AMACR: variants seen among roughly 807,000 people sequenced by gnomAD.
AMACR encodes the protein 2-methylacyl-CoA racemase.
A neutral mutation model predicts 22.2 loss-of-function variants in AMACR; 18 were observed. That is an observed-to-expected ratio of 0.81 (90% CI 0.56 to 1.20). The LOEUF (loss-of-function observed/expected upper bound fraction) is 1.20, where lower values mean the gene tolerates loss of function less well. Among genes scored for constraint, AMACR ranks in the 50% most tolerant of loss-of-function variants. AMACR has a pLI of 0.00. For synonymous variants in AMACR, 213 were observed against 191.3 expected (o/e 1.11, Z -0.94); for missense variants, 499 against 490.6 (o/e 1.02, Z -0.16).
At chr5:33,997,690 G>C in intron 4 of AMACR, 1 of 644,630 alleles carries the variant, frequency 1.6e-6, no homozygotes, top group South Asian at 1.9e-5. Flanking sequence ...TGGACAGAGA[G>C]GTACCCTTTA....
chr5:34,004,692 G>A lies in AMACR; in HGVS notation c.434C>T (p.Ala145Val), dbSNP rs113840552. ...KIGRSGENPY[A>V]PLNLLADFAG... ...AAAGTCAGCCAGGAGATTCAGCGGG[G>A]CATACGGATTCTCACCACTTCTGCC... The change falls in exon 3 of 5, where the codon GCC (alanine) becomes GTC (valine). Residue 145 changes from alanine (A) to valine (V), a missense_variant. Transcript: ENST00000335606. 6.2e-7 allele frequency: 1 copy of A among 1,614,148 alleles called. No homozygotes were observed. The highest frequency in any genetic ancestry group is 8.5e-7 in the Non-Finnish European group (1 of 1,180,026).
chr5:34,005,219 G>A (rs1218937122), intron 2 of AMACR, among the ~76,000 whole-genome samples: 1 of 152,154 alleles, frequency 6.6e-6, no homozygotes. Flanking sequence ...AACAACACAT[G>A]GTTCTTAGAA....
At chr5:33,998,097 T>A (rs1753697666) in intron 4 of AMACR, among the ~76,000 whole-genome samples, 1 of 152,220 alleles carries the variant, frequency 6.6e-6, no homozygotes, top group Admixed American at 6.5e-5. Context: ...GAAGAAGAGA[T>A]CCCAAATTTT....
At position 33,988,241 on chromosome 5, in the gene AMACR, A is replaced by G; in HGVS notation, c.*852T>C. On this transcript the variant is annotated 3_prime_UTR_variant, in exon 5 of 5. Coordinates refer to ENST00000335606, the MANE Select transcript of AMACR (RefSeq NM_014324.6). ...GTCTTCTTTGTCAAAGACAGGTATAAGAAAGGCTTGTAACTTAACTCAGTC... is the reference window on the plus strand; with the variant it reads ...GTCTTCTTTGTCAAAGACAGGTATAGGAAAGGCTTGTAACTTAACTCAGTC... 1 of 1,377,640 alleles carries G rather than the reference A, an allele frequency of 7.3e-7. No homozygotes were observed. 85.3% of individuals were successfully genotyped at this position (1,377,640 alleles called of 1,614,324 possible). A position where few individuals can be genotyped will look rare whatever the true frequency, so the allele number is the denominator to read the frequency against.
intron 3 of AMACR, among the ~76,000 whole-genome samples, chr5:34,001,153 G>A (rs367882958): frequency 6.6e-6 from 1 of 152,202 alleles, no homozygotes; most frequent in African/African-American, 2.4e-5. Context: ...AGAGCCCCCT[G>A]ACACAGGGAA....
chr5:33,996,948 C>T, intron 4 of AMACR: 1 of 538,320 alleles, frequency 1.9e-6, no homozygotes, highest in Non-Finnish European at 3.3e-6. Flanking sequence ...ACTGAGGGAT[C>T]CTGAGGAGTC....
At chr5:34,006,257 A>G (rs1320808743) in intron 1 of AMACR, among the ~76,000 whole-genome samples, 2 of 152,172 alleles carry the variant, frequency 1.3e-5, no homozygotes, top group African/African-American at 2.4e-5. Context: ...TTGCTTGTAC[A>G]TGCATACACT....
At chr5:34,005,572 G>C (rs889779382) in intron 2 of AMACR, among the ~76,000 whole-genome samples, 184 bp downstream of exon 2, 3 of 152,106 alleles carry the variant, frequency 2.0e-5, no homozygotes, top group Non-Finnish European at 4.4e-5. Flanking sequence ...TAAGGGATGG[G>C]GTGAGGGAAG....
At position 33,986,502 on chromosome 5, in the gene AMACR, G is replaced by A. The variant is rs1181498159; in HGVS notation, c.*2591C>T. ...ATAAACATTTGCTAAAGGAATTACT[G>A]AGTGAATAAACCATACACACTGCAT... On this transcript the variant is annotated 3_prime_UTR_variant, in exon 5 of 5. Transcript: ENST00000335606. 1.3e-5 allele frequency: 2 copies of A among 152,194 alleles called. No homozygotes were observed. The highest frequency in any genetic ancestry group is 1.9e-4 in the East Asian group (1 of 5,202). 9.4% of individuals were successfully genotyped at this position (152,194 alleles called of 1,614,324 possible).
intron 3 of AMACR, among the ~76,000 whole-genome samples, chr5:34,002,324 A>G (rs1187726752): frequency 6.6e-6 from 1 of 152,266 alleles, no homozygotes; most frequent in Non-Finnish European, 1.5e-5. Context: ...ATCATTATAT[A>G]ATTCTGATTA....
At chr5:34,007,673 C>T in intron 1 of AMACR, 100 bp downstream of exon 1, 1 of 1,426,434 alleles carries the variant, frequency 7.0e-7, no homozygotes, top group South Asian at 1.5e-5. Flanking sequence ...GTTCTTGCGG[C>T]AACAGGGCAA....
rs562693242 is a variant in AMACR, at chr5:33,986,166, C to T, written c.*2927G>A. ...TGTCAAAATGTAAATAAATTGATATCTTTTCATAAACTTTTTATAAATATA... is the reference window on the plus strand; with the variant it reads ...TGTCAAAATGTAAATAAATTGATATTTTTTCATAAACTTTTTATAAATATA... On this transcript the variant is annotated 3_prime_UTR_variant, in exon 5 of 5. Transcript: ENST00000335606. The T allele has an allele frequency of 1.3e-5, 2 of 152,280 alleles. No individual in the cohort carries two copies. The highest frequency in any genetic ancestry group is 4.1e-4 in the South Asian group (2 of 4,828). The allele number at this position is 152,280 out of a possible 1,614,324, so 9.4% of individuals were successfully genotyped here.
At position 34,008,010 on chromosome 5, in the gene AMACR, G is replaced by A; in HGVS notation, c.10C>T (p.Gln4Ter). 6.2e-7 allele frequency: 1 copy of A among 1,610,716 alleles called. No individual in the cohort carries two copies. Among genetic ancestry groups the A allele is most frequent in the Middle Eastern group, 1.7e-4 (1 of 6,058 alleles). Residue 4 changes from glutamine to a stop codon, truncating the protein, a stop_gained, in exon 1 of 5, where the codon CAG (glutamine) becomes TAG (stop). Transcript: ENST00000335606. LOFTEE classifies it high-confidence loss of function. The stretch of plus-strand genomic sequence containing the variant: ...GACAGCTCCACGACCGAGATGCCCT[G>A]CAGTGCCATGGCGCTTCCCAGTGCC... MAL[Q>*]GISVVELSGL... is the part of the protein sequence containing the mutation.
At chr5:33,991,141 T>C (rs893625071) in intron 4 of AMACR, among the ~76,000 whole-genome samples, 1 of 152,244 alleles carries the variant, frequency 6.6e-6, no homozygotes, top group Non-Finnish European at 1.5e-5. Flanking sequence ...ATGTGTTCTC[T>C]CTTTAACTTT....
rs1753954975 is a variant in AMACR at position 34,005,809 on chromosome 5, G to A, written c.338C>T (p.Ser113Leu). Residue 113 changes from serine (S) to leucine (L), a missense_variant, in exon 2 of 5, where the codon TCA (serine) becomes TTA (leucine). By Grantham distance (145) the Ser-to-Leu change is moderately radical. Coordinates refer to ENST00000335606, the MANE Select transcript of AMACR (RefSeq NM_014324.6). Reference sequence around the variant, plus strand: ...GCCAGCTAACCGGCAGAAGCTTCCTGACTGGCCAAATCCACTCAGCCTGGC... The same window carrying A: ...GCCAGCTAACCGGCAGAAGCTTCCTAACTGGCCAAATCCACTCAGCCTGGC... ...IYARLSGFGQSGSFCRLAGHD... is the reference protein window; with the variant it reads ...IYARLSGFGQLGSFCRLAGHD... 2 of 1,614,008 alleles carry A rather than the reference G, an allele frequency of 1.2e-6. No homozygotes were observed. Among genetic ancestry groups the A allele is most frequent in the East Asian group, 2.2e-5 (1 of 44,888 alleles).
intron 4 of AMACR, among the ~76,000 whole-genome samples, chr5:33,994,465 A>C (rs1266341076): frequency 6.6e-6 from 1 of 152,174 alleles, no homozygotes; most frequent in Non-Finnish European, 1.5e-5. Flanking sequence ...AGGCATAGCC[A>C]TCGCACCTGG....
Position 33,989,453 on chromosome 5 carries a change from A to G in AMACR, c.789T>C (p.Asp263=), listed in dbSNP as rs896470099. 4 of 1,614,168 alleles carry G rather than the reference A, an allele frequency of 2.5e-6. No individual in the cohort carries two copies. Among genetic ancestry groups the G allele is most frequent in the Non-Finnish European group, 3.4e-6 (4 of 1,180,022 alleles). ...DELPNQMSMD[D]WPEMKKKFAD... is the part of the protein sequence containing the mutation. Reference sequence around the variant, plus strand: ...CAAACTTCTTCTTCATTTCTGGCCAATCATCCATGCTCATCTGATTGGGAA... The same window carrying G: ...CAAACTTCTTCTTCATTTCTGGCCAGTCATCCATGCTCATCTGATTGGGAA... Residue 263 remains aspartate, a synonymous_variant, in exon 5 of 5, where the codon GAT becomes GAC. Coordinates refer to ENST00000335606, the MANE Select transcript of AMACR (RefSeq NM_014324.6).
chr5:33,988,577 A>G lies in AMACR; in HGVS notation c.*516T>C. 1 of 1,350,340 alleles carries G rather than the reference A, an allele frequency of 7.4e-7. No individual in the cohort carries two copies. 83.6% of individuals were successfully genotyped at this position (1,350,340 alleles called of 1,614,324 possible). On this transcript the variant is annotated 3_prime_UTR_variant, in exon 5 of 5. Transcript: ENST00000335606. ...CAGGTGAAACTTTTCTTTGCAAATT[A>G]CAAAGTGTGATAACTGTTGCTAAAG...
At chr5:33,993,028 CT>C (rs1349682334) in intron 4 of AMACR, among the ~76,000 whole-genome samples, 1 of 152,142 alleles carries the variant, frequency 6.6e-6, no homozygotes, top group African/African-American at 2.4e-5. Context: ...AACTCCTGAA[CT>C]TTTTCAACTT....
Sources: allele counts gnomAD v4.1 joint callset (sites outside exome capture counted in the v4.1 genomes callset), GRCh38; gene constraint gnomAD v4.1.1; transcripts MANE v1.5; gene names NCBI Gene and HGNC (gene_info 2026-07-23, HGNC 2026-07-21).